Variants in ADGRL3 observed in about 807,000 individuals in gnomAD.
ADGRL3 encodes adhesion G protein-coupled receptor L3.
ADGRL3 carries 62 observed loss-of-function variants against 153.5 expected under a neutral mutation model. That is an observed-to-expected ratio of 0.40 (90% CI 0.33 to 0.50). The LOEUF is 0.50. ADGRL3 is among the 20% of genes least tolerant of loss of function. The pLI is 0.47. For missense variants in ADGRL3, 1,641 were observed against 1,859.4 expected, an observed-to-expected ratio of 0.88 and a Z score of 2.16; for synonymous variants, 710 against 672.5, an observed-to-expected ratio of 1.06 and a Z score of -0.86.
intron 9 of ADGRL3, among the ~76,000 whole-genome samples, chr4:61,824,382 T>G (rs544011904): frequency 6.6e-6 from 1 of 152,228 alleles, no homozygotes; most frequent in Non-Finnish European, 1.5e-5. Flanking sequence ...ATTCTAATGA[T>G]GTATTACAAA....
At chr4:61,398,968 TTCTG>T (rs2096898997) in intron 2 of ADGRL3, among the ~76,000 whole-genome samples, 3 of 151,834 alleles carry the variant, frequency 2.0e-5, no homozygotes, top group Non-Finnish European at 3.0e-5. Context: ...TCTTCCATCA[TTCTG>T]TCTAACTGCA....
intron 8 of ADGRL3, 28 bp downstream of exon 8, chr4:61,733,582 T>C (rs1386957341): frequency 7.5e-6 from 11 of 1,458,030 alleles, no homozygotes; most frequent in South Asian, 7.2e-5. Flanking sequence ...TGGTACTCTT[T>C]GGGGAAATAT....
At chr4:61,932,525 A>G (rs576121231) in intron 13 of ADGRL3, among the ~76,000 whole-genome samples, 3 of 152,188 alleles carry the variant, frequency 2.0e-5, no homozygotes, top group Admixed American at 2.0e-4. Flanking sequence ...GATAAATTGC[A>G]CTTGATCATG....
chr4:61,365,022 A>C (rs1189644588), intron 1 of ADGRL3, among the ~76,000 whole-genome samples: 1 of 152,174 alleles, frequency 6.6e-6, no homozygotes, highest in African/African-American at 2.4e-5. Context: ...GATATTCTCT[A>C]AAAGACAGAA....
intron 5 of ADGRL3, among the ~76,000 whole-genome samples, chr4:61,641,596 TC>T (rs2093676464): frequency 6.6e-6 from 1 of 151,948 alleles, no homozygotes; most frequent in African/African-American, 2.4e-5. Flanking sequence ...TTCATCCATG[TC>T]CCTACAAAGG....
intron 2 of ADGRL3, among the ~76,000 whole-genome samples, chr4:61,452,845 G>A (rs2168584): frequency 0.67 from 101,239 of 151,950 alleles, 35,767 homozygotes; most frequent in East Asian, 0.93. Context: ...ATGTCAACAT[G>A]TAAAATGGCT....
intron 4 of ADGRL3, among the ~76,000 whole-genome samples, chr4:61,558,333 G>A (rs2098778106): frequency 6.6e-6 from 1 of 151,150 alleles, no homozygotes; most frequent in African/African-American, 2.4e-5. Flanking sequence ...TTTCTTCCTT[G>A]GACTTTTCTA....
chr4:61,457,651 T>C (rs1239423813), intron 2 of ADGRL3, among the ~76,000 whole-genome samples: 1 of 151,932 alleles, frequency 6.6e-6, no homozygotes, highest in Non-Finnish European at 1.5e-5. Flanking sequence ...TTCAGTATAT[T>C]ATTCTACAAT....
intron 1 of ADGRL3, among the ~76,000 whole-genome samples, chr4:61,374,347 G>GA: frequency 6.6e-6 from 1 of 152,040 alleles, no homozygotes; most frequent in Non-Finnish European, 1.5e-5. Flanking sequence ...CTCTGTATAG[G>GA]AAAGAAAGAA....
intron 4 of ADGRL3, among the ~76,000 whole-genome samples, chr4:61,547,466 TTGTGTC>T (rs1229790368): frequency 6.6e-6 from 1 of 152,032 alleles, no homozygotes; most frequent in Non-Finnish European, 1.5e-5. Context: ...GCTCCCTTCT[TTGTGTC>T]TGTATGTTTA....
intron 8 of ADGRL3, among the ~76,000 whole-genome samples, chr4:61,753,228 G>GAAA (rs113199384): frequency 8.0e-4 from 80 of 99,922 alleles, no homozygotes; most frequent in Non-Finnish European, 1.5e-3. Flanking sequence ...ACATTTCTGT[G>GAAA]AAAAAAAAAA....
At chr4:61,857,599 A>G (rs2098289728) in intron 9 of ADGRL3, among the ~76,000 whole-genome samples, 2 of 151,796 alleles carry the variant, frequency 1.3e-5, no homozygotes, top group Non-Finnish European at 2.9e-5. Flanking sequence ...CACAGCCGAG[A>G]AAGGTGTTGG....
Position 61,979,742 on chromosome 4 carries a change from C to T in ADGRL3, c.2985C>T (p.Phe995=). The T allele has an allele frequency of 6.2e-7, 1 of 1,613,928 alleles. No individual in the cohort carries two copies. The highest frequency in any genetic ancestry group is 8.5e-7 in the Non-Finnish European group (1 of 1,179,854). Residue 995 remains phenylalanine, a synonymous_variant, in exon 18 of 27, where the codon TTC becomes TTT. Coordinates refer to ENST00000683033, the MANE Select transcript of ADGRL3 (RefSeq NM_001387552.1). ...GTCTCTTTGTAGCAGAGCTGCTCTT[C>T]CTGATTGGGATCAACCGAACTGACC... ...CISLFVAELL[F]LIGINRTDQP...
intron 21 of ADGRL3, among the ~76,000 whole-genome samples, chr4:62,003,180 G>A (rs972754421): frequency 2.6e-5 from 4 of 152,072 alleles, no homozygotes; most frequent in South Asian, 2.1e-4. Context: ...TTCTGTATCC[G>A]TCCCTTTGCG....
intron 1 of ADGRL3, among the ~76,000 whole-genome samples, chr4:61,286,425 G>A (rs1023703731): frequency 6.6e-6 from 1 of 151,100 alleles, no homozygotes; most frequent in South Asian, 2.1e-4. Flanking sequence ...TTAAAAGGAT[G>A]TTGATTTTTT....
intron 8 of ADGRL3, among the ~76,000 whole-genome samples, chr4:61,764,885 G>T (rs532759035): frequency 6.6e-6 from 1 of 151,772 alleles, no homozygotes; most frequent in Non-Finnish European, 1.5e-5. Flanking sequence ...TTGTGGTAAG[G>T]GGTGATATTG....
chr4:61,754,077 G>T (rs1017168767), intron 8 of ADGRL3, among the ~76,000 whole-genome samples: 2 of 152,128 alleles, frequency 1.3e-5, no homozygotes, highest in African/African-American at 4.8e-5. Context: ...TGTAAGCCAG[G>T]TCCAAGGCCA....
intron 9 of ADGRL3, among the ~76,000 whole-genome samples, chr4:61,844,188 G>A (rs1243984661): frequency 6.6e-6 from 1 of 151,786 alleles, no homozygotes; most frequent in Non-Finnish European, 1.5e-5. Flanking sequence ...CCAGAATATA[G>A]TGGCTGCTAA....
chr4:61,423,466 A>G (rs1168545571), intron 2 of ADGRL3, among the ~76,000 whole-genome samples: 1 of 152,194 alleles, frequency 6.6e-6, no homozygotes, highest in Non-Finnish European at 1.5e-5. Context: ...GAGCTATTGA[A>G]CATTGTGTTA....
Sources: gnomAD v4.1 joint callset for allele counts (sites outside exome capture counted in the v4.1 genomes callset) on GRCh38, gnomAD v4.1.1 for gene constraint, MANE v1.5 for transcripts, NCBI Gene and HGNC (gene_info 2026-07-23, HGNC 2026-07-21) for gene names.